The following CTNNA3 variants were observed in gnomAD, a reference collection of about 807,000 sequenced individuals.
CTNNA3 encodes catenin alpha 3, also known as catenin alpha-3.
Under a neutral mutation model 95.7 loss-of-function variants are expected in CTNNA3, and 76 were observed. That is an observed-to-expected ratio of 0.79 (90% CI 0.66 to 0.96). The LOEUF (loss-of-function observed/expected upper bound fraction) is 0.96. Ranked by LOEUF, CTNNA3 falls within the 40% of genes least tolerant of loss-of-function variation. CTNNA3 has a pLI of 0.00. For missense variants in CTNNA3, 1,191 were observed against 1,089.8 expected (o/e 1.09, Z -1.31); for synonymous variants, 431 against 374.4 (o/e 1.15, Z -1.74).
intron 6 of CTNNA3, among the ~76,000 whole-genome samples, chr10:67,184,574 A>T (rs1490138481): frequency 6.6e-6 from 1 of 152,162 alleles, no homozygotes; most frequent in Non-Finnish European, 1.5e-5. Context: ...TTGTGCTGTT[A>T]ATTGTCAGTC....
At chr10:66,504,168 C>T (rs1840372902) in intron 11 of CTNNA3, among the ~76,000 whole-genome samples, 1 of 152,074 alleles carries the variant, frequency 6.6e-6, no homozygotes, top group African/African-American at 2.4e-5. Context: ...TCCCATTTAA[C>T]TGAAATTTTG....
intron 5 of CTNNA3, among the ~76,000 whole-genome samples, chr10:67,451,626 A>G (rs1846987432): frequency 6.6e-6 from 1 of 152,078 alleles, no homozygotes; most frequent in Non-Finnish European, 1.5e-5. Flanking sequence ...AGTCCACTGA[A>G]CTCTTGGTTT....
At chr10:66,305,475 TG>T (rs1306353442) in intron 12 of CTNNA3, among the ~76,000 whole-genome samples, 1 of 152,166 alleles carries the variant, frequency 6.6e-6, no homozygotes, top group Non-Finnish European at 1.5e-5. Context: ...TCTTTAATCC[TG>T]TGTTACCTTC....
At position 66,179,278 on chromosome 10, in the gene CTNNA3, C is replaced by T. The variant is rs7090677; in HGVS notation, c.1885-76029G>A. On this transcript the variant is annotated intron_variant, in intron 13 of 17. Transcript: ENST00000433211. ...GAATCTGGATGAATCTCCAGACTTA[C>T]GTTGAGTGAAAAAAAGTCAATCCAA... is the stretch of plus-strand genomic sequence containing the variant. Among the ~76,000 whole-genome samples the T allele has an allele frequency of 6.6e-3, 1,008 of 151,730 alleles. 21 individuals are homozygous for T. The highest frequency in any genetic ancestry group is 0.023 in the African/African-American group (936 of 41,356).
intron 5 of CTNNA3, among the ~76,000 whole-genome samples, chr10:67,446,867 A>G (rs1396642839): frequency 2.0e-5 from 3 of 152,158 alleles, no homozygotes; most frequent in Non-Finnish European, 2.9e-5. Flanking sequence ...GCACTTTGGG[A>G]GACCAAGGAG....
intron 5 of CTNNA3, among the ~76,000 whole-genome samples, chr10:67,267,008 T>A (rs990574316): frequency 6.6e-6 from 1 of 152,194 alleles, no homozygotes; most frequent in African/African-American, 2.4e-5. Context: ...CTTTTGAAAT[T>A]CTGGGCATGC....
chr10:67,358,414 C>A lies in CTNNA3; in HGVS notation c.580-138544G>T, dbSNP rs544861863. On this transcript the variant is annotated intron_variant, in intron 5 of 17. Transcript: ENST00000433211. ...AAAAACAAAATATGGGGTAAACCAT[C>A]ACACTTTGCACAGATCTTTTGAGAG... Among the ~76,000 whole-genome samples the A allele has an allele frequency of 2.0e-5, 3 of 152,224 alleles. No homozygotes were observed. In the South Asian group the frequency reaches 6.2e-4, roughly 32 times the overall value.
At chr10:66,026,019 C>T (rs10762025) in intron 15 of CTNNA3, among the ~76,000 whole-genome samples, 65,935 of 151,948 alleles carry the variant, frequency 0.43, 14,583 homozygotes, top group East Asian at 0.63. Context: ...GTTTGTTTTA[C>T]ATCTCCCCCT....
At chr10:66,313,385 T>C (rs940875383) in intron 12 of CTNNA3, among the ~76,000 whole-genome samples, 1 of 152,200 alleles carries the variant, frequency 6.6e-6, no homozygotes, top group African/African-American at 2.4e-5. Flanking sequence ...GTTTGTCCAC[T>C]TTGCCAATAT....
At chr10:67,329,850 T>C (rs1389119467) in intron 5 of CTNNA3, among the ~76,000 whole-genome samples, 2 of 152,200 alleles carry the variant, frequency 1.3e-5, no homozygotes, top group Non-Finnish European at 2.9e-5. Flanking sequence ...GGAGGTAAAG[T>C]GCTCCTGAGC....
At chr10:67,243,331 C>T (rs757883598) in intron 5 of CTNNA3, among the ~76,000 whole-genome samples, 1 of 152,122 alleles carries the variant, frequency 6.6e-6, no homozygotes. Context: ...CTCCAATATA[C>T]ACCCTTGCTC....
At chr10:66,294,326 G>A (rs1201949917) in intron 12 of CTNNA3, among the ~76,000 whole-genome samples, 2 of 152,148 alleles carry the variant, frequency 1.3e-5, no homozygotes, top group Non-Finnish European at 2.9e-5. Flanking sequence ...AGCACTGTGG[G>A]TAGAGAGAGA....
intron 12 of CTNNA3, among the ~76,000 whole-genome samples, chr10:66,351,161 A>G (rs1360502986): frequency 1.3e-5 from 2 of 152,042 alleles, no homozygotes; most frequent in East Asian, 1.9e-4. Flanking sequence ...ATTCTGCTTC[A>G]GGGCACACAT....
chr10:66,161,152 T>C (rs561751486), intron 13 of CTNNA3, among the ~76,000 whole-genome samples: 1 of 152,318 alleles, frequency 6.6e-6, no homozygotes, highest in African/African-American at 2.4e-5. Context: ...ATTTTTTAAG[T>C]GGAGCATTTA....
chr10:67,760,861 C>T (rs1030977214), intron 1 of CTNNA3, among the ~76,000 whole-genome samples: 1 of 152,170 alleles, frequency 6.6e-6, no homozygotes, highest in Non-Finnish European at 1.5e-5. Context: ...TGTCTAGTTA[C>T]AGGAAAACAA....
intron 11 of CTNNA3, among the ~76,000 whole-genome samples, chr10:66,382,954 G>A: frequency 6.6e-6 from 1 of 152,144 alleles, no homozygotes; most frequent in East Asian, 1.9e-4. Context: ...CAACATCAAA[G>A]ACCAAAGGTA....
At chr10:66,633,029 T>C (rs893973208) in intron 9 of CTNNA3, among the ~76,000 whole-genome samples, 2 of 152,062 alleles carry the variant, frequency 1.3e-5, no homozygotes, top group Non-Finnish European at 2.9e-5. Flanking sequence ...ATGTAAAAAG[T>C]TTTTGATATT....
chr10:67,211,364 T>C (rs2132241638), intron 6 of CTNNA3, among the ~76,000 whole-genome samples: 1 of 152,094 alleles, frequency 6.6e-6, no homozygotes. Context: ...CGATCTATAA[T>C]GCCATGTACA....
intron 12 of CTNNA3, among the ~76,000 whole-genome samples, chr10:66,361,978 T>C (rs2092679502): frequency 6.6e-6 from 1 of 152,104 alleles, no homozygotes. Context: ...GAAACTTTAT[T>C]AGCCTTTGTA....
Sources: gnomAD v4.1 joint callset for allele counts (sites outside exome capture counted in the v4.1 genomes callset) on GRCh38, gnomAD v4.1.1 for gene constraint, MANE v1.5 for transcripts, NCBI Gene and HGNC (gene_info 2026-07-23, HGNC 2026-07-21) for gene names.